ADGRB3: variants seen among roughly 807,000 people sequenced by gnomAD.
The protein encoded by ADGRB3 is adhesion G protein-coupled receptor B3, also known as brain-specific angiogenesis inhibitor 3.
Under a neutral mutation model 193.4 loss-of-function variants are expected in ADGRB3, and 37 were observed. The ratio of observed to expected loss-of-function variants is 0.19; its 90% CI spans 0.15 to 0.25. ADGRB3 has a LOEUF of 0.25. Ranked by LOEUF, ADGRB3 falls within the 10% of genes least tolerant of loss-of-function variation. The pLI, the probability that ADGRB3 is intolerant of heterozygous loss-of-function variation, is 1.00. For missense variants in ADGRB3, 1,637 were observed against 1,852.9 expected (o/e 0.88, Z 2.14); for synonymous variants, 690 against 644.2 (o/e 1.07, Z -1.08).
intron 3 of ADGRB3, among the ~76,000 whole-genome samples, chr6:68,675,684 G>C (rs1382784500): frequency 6.6e-6 from 1 of 152,152 alleles, no homozygotes; most frequent in Non-Finnish European, 1.5e-5. Context: ...CACTGCAAGA[G>C]GAGTTTTCAT....
chr6:69,217,425 G>A (rs1327774257), intron 17 of ADGRB3, among the ~76,000 whole-genome samples: 1 of 152,182 alleles, frequency 6.6e-6, no homozygotes, highest in South Asian at 2.1e-4. Flanking sequence ...AGGCAACATA[G>A]AATAAAACTG....
intron 17 of ADGRB3, among the ~76,000 whole-genome samples, chr6:69,112,505 C>T (rs888318802): frequency 7.9e-5 from 12 of 152,082 alleles, no homozygotes; most frequent in South Asian, 2.1e-4. Flanking sequence ...AAGTTAGGTA[C>T]GCTTCACAAG....
chr6:69,303,575 G>T (rs941814098), intron 20 of ADGRB3, among the ~76,000 whole-genome samples: 1 of 151,760 alleles, frequency 6.6e-6, no homozygotes, highest in Non-Finnish European at 1.5e-5. Flanking sequence ...CTGCATTCCC[G>T]CACATTCAGC....
chr6:68,908,231 C>T (rs1458516167), intron 3 of ADGRB3, among the ~76,000 whole-genome samples: 15 of 151,884 alleles, frequency 9.9e-5, no homozygotes, highest in Admixed American at 3.3e-4. Flanking sequence ...TGATCGATGA[C>T]CAATTCTAAG....
At chr6:69,189,996 C>T (rs1181417667) in intron 17 of ADGRB3, among the ~76,000 whole-genome samples, 1 of 152,058 alleles carries the variant, frequency 6.6e-6, no homozygotes, top group Non-Finnish European at 1.5e-5. Flanking sequence ...TATAGGGATG[C>T]TGGTGGAAAC....
intron 3 of ADGRB3, among the ~76,000 whole-genome samples, chr6:68,650,670 A>G (rs1004847153): frequency 1.8e-4 from 28 of 152,326 alleles, no homozygotes; most frequent in African/African-American, 6.3e-4. Context: ...AACAAAACAC[A>G]TACACAAAAT....
chr6:69,278,885 T>A (rs934382534), intron 20 of ADGRB3, among the ~76,000 whole-genome samples: 1 of 151,660 alleles, frequency 6.6e-6, no homozygotes, highest in African/African-American at 2.4e-5. Context: ...AGGAACATGA[T>A]CACTATATTT....
intron 3 of ADGRB3, among the ~76,000 whole-genome samples, chr6:68,795,338 G>GA (rs1767185859): frequency 6.6e-6 from 1 of 151,938 alleles, no homozygotes; most frequent in Non-Finnish European, 1.5e-5. Flanking sequence ...TTATTCTAAA[G>GA]AAAAACTGTA....
intron 6 of ADGRB3, among the ~76,000 whole-genome samples, chr6:68,950,068 T>G (rs1767874455): frequency 6.6e-6 from 1 of 152,102 alleles, no homozygotes. Context: ...GTACTCTGTT[T>G]TTTTAGAGAC....
intron 17 of ADGRB3, among the ~76,000 whole-genome samples, chr6:69,104,790 A>C (rs1773163499): frequency 6.6e-6 from 1 of 152,072 alleles, no homozygotes; most frequent in African/African-American, 2.4e-5. Flanking sequence ...AAGTTTATTT[A>C]AAAATTTATA....
intron 3 of ADGRB3, among the ~76,000 whole-genome samples, chr6:68,920,443 G>A (rs1298311870): frequency 6.8e-6 from 1 of 148,042 alleles, no homozygotes; most frequent in Non-Finnish European, 1.5e-5. Context: ...ACGTGAACCC[G>A]GGAGGCGGAG....
At chr6:68,870,304 A>G (rs1160141949) in intron 3 of ADGRB3, among the ~76,000 whole-genome samples, 2 of 152,240 alleles carry the variant, frequency 1.3e-5, no homozygotes, top group East Asian at 3.9e-4. Flanking sequence ...CTGGTGGCTC[A>G]GGAGCCGCAT....
intron 3 of ADGRB3, among the ~76,000 whole-genome samples, chr6:68,748,903 A>T (rs868194365): frequency 1.3e-5 from 2 of 152,154 alleles, no homozygotes; most frequent in African/African-American, 4.8e-5. Flanking sequence ...AATTCTTAAC[A>T]TCTGTGCATC....
chr6:68,872,533 T>G (rs1765489182), intron 3 of ADGRB3, among the ~76,000 whole-genome samples: 1 of 152,134 alleles, frequency 6.6e-6, no homozygotes, highest in African/African-American at 2.4e-5. Context: ...CTTTCTTCAA[T>G]TCCCTTAAGT....
intron 3 of ADGRB3, among the ~76,000 whole-genome samples, chr6:68,870,783 G>A (rs144982492): frequency 1.9e-4 from 29 of 152,244 alleles, no homozygotes; most frequent in African/African-American, 4.8e-4. Flanking sequence ...TACCTGCCTC[G>A]TTGGGTTTCA....
chr6:69,343,392 A>T (rs1475632722), intron 26 of ADGRB3, among the ~76,000 whole-genome samples: 2 of 128,702 alleles, frequency 1.6e-5, no homozygotes, highest in African/African-American at 2.9e-5. Flanking sequence ...TGTCCATGTG[A>T]TCTCATTGTT....
At chr6:68,779,369 C>T (rs1427723854) in intron 3 of ADGRB3, among the ~76,000 whole-genome samples, 1 of 151,840 alleles carries the variant, frequency 6.6e-6, no homozygotes, top group Non-Finnish European at 1.5e-5. Context: ...AAACATGCCC[C>T]TTCCCTAGAG....
intron 3 of ADGRB3, among the ~76,000 whole-genome samples, chr6:68,868,038 G>A (rs546766826): frequency 6.6e-6 from 1 of 152,256 alleles, no homozygotes; most frequent in African/African-American, 2.4e-5. Context: ...CTGTTGGGAA[G>A]GCATGATTGT....
At chr6:69,154,140 C>T (rs556950996) in intron 17 of ADGRB3, among the ~76,000 whole-genome samples, 11 of 103,990 alleles carry the variant, frequency 1.1e-4, no homozygotes, top group Admixed American at 1.0e-3. Flanking sequence ...TCTATATATG[C>T]ACTTCCTCTG....
Sources: allele counts gnomAD v4.1 joint callset (sites outside exome capture counted in the v4.1 genomes callset), GRCh38; gene constraint gnomAD v4.1.1; transcripts MANE v1.5; gene names NCBI Gene and HGNC (gene_info 2026-07-23, HGNC 2026-07-21).